MECOM: variants seen among roughly 807,000 people sequenced by gnomAD.
MECOM encodes the protein histone-lysine N-methyltransferase MECOM.
MECOM carries 13 observed loss-of-function variants against 116.3 expected under a neutral mutation model. The observed-to-expected ratio is 0.11, with a 90% CI of 0.07 to 0.18. The LOEUF (loss-of-function observed/expected upper bound fraction) is 0.18, where lower values mean the gene tolerates loss of function less well. Among genes scored for constraint, MECOM ranks in the 10% least tolerant of loss-of-function variants. MECOM has a pLI of 1.00. For synonymous variants in MECOM, 528 were observed against 535.2 expected, an observed-to-expected ratio of 0.99 and a Z score of 0.19; for missense variants, 1,299 against 1,509.0, an observed-to-expected ratio of 0.86 and a Z score of 2.31.
chr3:169,238,145 A>G (rs999259645), intron 2 of MECOM, among the ~76,000 whole-genome samples: 2 of 148,782 alleles, frequency 1.3e-5, no homozygotes, highest in African/African-American at 5.0e-5. Flanking sequence ...ACTGCACTCC[A>G]GCCTGGGTGA....
At chr3:169,642,608 G>A (rs890551956) in intron 1 of MECOM, among the ~76,000 whole-genome samples, 6 of 152,002 alleles carry the variant, frequency 3.9e-5, no homozygotes, top group African/African-American at 1.4e-4. Flanking sequence ...ACTGCTCGGA[G>A]AGTCACCATG....
chr3:169,459,853 A>G (rs897683006), intron 1 of MECOM, among the ~76,000 whole-genome samples: 3 of 152,190 alleles, frequency 2.0e-5, no homozygotes, highest in African/African-American at 7.2e-5. Flanking sequence ...TCTACCCTAT[A>G]CTACTTGTGC....
At chr3:169,231,211 A>C (rs1280679940) in intron 2 of MECOM, among the ~76,000 whole-genome samples, 1 of 152,164 alleles carries the variant, frequency 6.6e-6, no homozygotes, top group Non-Finnish European at 1.5e-5. Context: ...AATGTAGTGC[A>C]TGCATAAAGT....
intron 1 of MECOM, among the ~76,000 whole-genome samples, chr3:169,508,963 T>G (rs1270950484): frequency 2.0e-5 from 3 of 152,166 alleles, no homozygotes; most frequent in Non-Finnish European, 2.9e-5. Flanking sequence ...AATATCAAGT[T>G]CTGGAGTTGA....
chr3:169,199,806 G>A (rs951519062), intron 2 of MECOM, among the ~76,000 whole-genome samples: 4 of 152,064 alleles, frequency 2.6e-5, no homozygotes, highest in East Asian at 1.9e-4. Context: ...TCATCCTAGC[G>A]TTACTCTGTC....
intron 2 of MECOM, among the ~76,000 whole-genome samples, chr3:169,177,637 C>G (rs1323231992): frequency 6.6e-6 from 1 of 151,848 alleles, no homozygotes; most frequent in African/African-American, 2.4e-5. Context: ...AGAATGAGGA[C>G]CAGGCGCGGT....
rs769617890 is a variant in MECOM at position 169,127,942 on chromosome 3, C to T, written c.732G>A (p.Glu244=). 3.7e-6 allele frequency: 6 copies of T among 1,613,934 alleles called. No individual in the cohort carries two copies. The African/African-American group carries it at 6.7e-5, about 18-fold the overall frequency. ...CGCTTTCGAGTTTTTGCTGAAAGTCCTCTTCAACCATTGAAAATGCTGAGT... is the reference window on the plus strand; with the variant it reads ...CGCTTTCGAGTTTTTGCTGAAAGTCTTCTTCAACCATTGAAAATGCTGAGT... The part of the protein sequence containing the change: ...TPHSAFSMVE[E]DFQQKLESEN... The change falls in exon 5 of 17, where the codon GAG becomes GAA. Residue 244 remains glutamate (E), a synonymous_variant. Transcript: ENST00000651503.
chr3:169,435,642 A>C (rs1015584032), intron 1 of MECOM, among the ~76,000 whole-genome samples: 1 of 152,212 alleles, frequency 6.6e-6, no homozygotes, highest in African/African-American at 2.4e-5. Flanking sequence ...TTGTGAACTC[A>C]TATTTCCTTT....
At chr3:169,413,149 G>A (rs572830343) in intron 1 of MECOM, among the ~76,000 whole-genome samples, 254 of 152,320 alleles carry the variant, frequency 1.7e-3, no homozygotes, top group African/African-American at 5.9e-3. Flanking sequence ...TTCCAACTGA[G>A]GTACCCAGTT....
intron 1 of MECOM, among the ~76,000 whole-genome samples, chr3:169,648,717 T>C (rs1774483545): frequency 6.6e-6 from 1 of 152,230 alleles, no homozygotes; most frequent in African/African-American, 2.4e-5. Flanking sequence ...TATTTCTGTT[T>C]CATGAACAAG....
chr3:169,096,432 G>A (rs776261366), intron 12 of MECOM, among the ~76,000 whole-genome samples: 71 of 151,934 alleles, frequency 4.7e-4, no homozygotes, highest in Middle Eastern at 6.8e-3. Flanking sequence ...CACCATGCTC[G>A]GCTAATTTTT....
rs777344068 is a variant in MECOM, at chr3:169,116,207, C to T, written c.1665G>A (p.Lys555=). ...LSKHPSVGDN[K]PVELQPERSS... ...ACCTCTCGGGCTGGAGCTCCACTGG[C>T]TTATTGTCCCCTACAGATGGGTGTT... The change falls in exon 8 of 17, where the codon AAG becomes AAA. Residue 555 remains lysine (K), a synonymous_variant. Coordinates refer to ENST00000651503, the MANE Select transcript of MECOM (RefSeq NM_004991.4). The T allele has an allele frequency of 5.0e-6, 8 of 1,614,016 alleles. No individual in the cohort carries two copies. Among genetic ancestry groups the T allele is most frequent in the Non-Finnish European group, 6.8e-6 (8 of 1,180,030 alleles).
chr3:169,583,945 G>T (rs140606767), intron 1 of MECOM, among the ~76,000 whole-genome samples: 1 of 152,074 alleles, frequency 6.6e-6, no homozygotes, highest in Non-Finnish European at 1.5e-5. Context: ...AATATTTACC[G>T]TAGCTTAATT....
intron 2 of MECOM, among the ~76,000 whole-genome samples, chr3:169,320,060 T>C (rs1160156735): frequency 2.0e-5 from 3 of 152,096 alleles, no homozygotes; most frequent in East Asian, 1.9e-4. Flanking sequence ...AGAGAAATAA[T>C]AGTAGATAAA....
intron 1 of MECOM, among the ~76,000 whole-genome samples, chr3:169,469,662 C>A (rs753691411): frequency 5.9e-5 from 9 of 152,122 alleles, no homozygotes; most frequent in Non-Finnish European, 8.8e-5. Flanking sequence ...CCCTTGCATT[C>A]ATAAACTCTG....
chr3:169,089,770 C>CCA (rs1719057080), intron 15 of MECOM, among the ~76,000 whole-genome samples: 1 of 151,948 alleles, frequency 6.6e-6, no homozygotes, highest in Non-Finnish European at 1.5e-5. Flanking sequence ...TTTATCTTTC[C>CCA]CACCTCAGGT....
At chr3:169,290,415 C>G (rs1207444994) in intron 2 of MECOM, among the ~76,000 whole-genome samples, 1 of 152,004 alleles carries the variant, frequency 6.6e-6, no homozygotes. Context: ...ATGAATTGCT[C>G]TATAATTTTA....
chr3:169,624,095 G>C (rs914052860), intron 1 of MECOM: 1 of 152,202 alleles, frequency 6.6e-6, no homozygotes, highest in Middle Eastern at 3.2e-3. Context: ...AAGTCATTCT[G>C]GTCAGTTCAG....
intron 7 of MECOM, among the ~76,000 whole-genome samples, chr3:169,119,116 GTAAT>G (rs979194639): frequency 1.8e-4 from 27 of 152,352 alleles, no homozygotes; most frequent in African/African-American, 6.0e-4. Flanking sequence ...AAGGCAGTGA[GTAAT>G]TACCTTAGCA....
Sources: allele counts gnomAD v4.1 joint callset (sites outside exome capture counted in the v4.1 genomes callset), GRCh38; gene constraint gnomAD v4.1.1; transcripts MANE v1.5; gene names NCBI Gene and HGNC (gene_info 2026-07-23, HGNC 2026-07-21).